The following RYR3 variants were observed in gnomAD, a reference collection of about 807,000 sequenced individuals.
The protein encoded by RYR3 is ryanodine receptor 3.
In RYR3, 207 loss-of-function variants were observed where a neutral mutation model predicts 584.3. The observed-to-expected ratio is 0.35, with a 90% CI of 0.32 to 0.40. RYR3 has a LOEUF of 0.40. RYR3 is among the 10% of genes least tolerant of loss of function. The probability of loss-of-function intolerance (pLI) is 1.00; values close to 1 mark genes in which losing one functional copy is unlikely to be tolerated. For synonymous variants in RYR3, 2,416 were observed against 2,248.5 expected (o/e 1.07, Z -2.11); for missense variants, 5,616 against 6,089.2 (o/e 0.92, Z 2.59).
At chr15:33,773,780 G>C (rs1355333108) in intron 64 of RYR3, among the ~76,000 whole-genome samples, 165 bp downstream of exon 64, 1 of 152,220 alleles carries the variant, frequency 6.6e-6, no homozygotes, top group Admixed American at 6.5e-5. Context: ...GCAATGTAAA[G>C]AAGTGCAATG....
rs201027824 is a variant in RYR3, at chr15:33,835,959, CA to C, written c.11568+889del. On this transcript the variant is annotated intron_variant, in intron 87 of 103. Transcript: ENST00000634891. ...TGGTTTCATCATCTCTGAAATATCC[CA>C]AGTTAGAATAGGTGATCTCTGAGGT... Among the ~76,000 whole-genome samples, 73 of 152,184 alleles carry C rather than the reference CA, an allele frequency of 4.8e-4. No individual in the cohort carries two copies. The East Asian group carries it at 6.8e-3, about 14-fold the overall frequency.
chr15:33,858,977 C>G (rs974135152), intron 99 of RYR3: 1 of 152,654 alleles, frequency 6.6e-6, no homozygotes, highest in African/African-American at 2.4e-5. Context: ...TCAGGCTGCC[C>G]CTGGCTTTTG....
At chr15:33,576,114 A>G (rs1010545659) in intron 12 of RYR3, among the ~76,000 whole-genome samples, 1 of 152,224 alleles carries the variant, frequency 6.6e-6, no homozygotes, top group Non-Finnish European at 1.5e-5. Context: ...TGAGGCAGTA[A>G]TAAATAGCCT....
intron 46 of RYR3, 146 bp downstream of exon 46, chr15:33,726,652 T>TGA: frequency 1.2e-6 from 1 of 831,276 alleles, no homozygotes; most frequent in Non-Finnish European, 1.8e-6. Flanking sequence ...TTTCCTGTGA[T>TGA]GAGTTTTCTC....
chr15:33,645,705 G>A (rs971743451), intron 28 of RYR3, among the ~76,000 whole-genome samples: 1 of 152,128 alleles, frequency 6.6e-6, no homozygotes, highest in African/African-American at 2.4e-5. Flanking sequence ...CACTTCCCTT[G>A]TATCCCCCCA....
At chr15:33,634,790 G>A in intron 25 of RYR3, 57 bp downstream of exon 25, 3 of 1,484,924 alleles carry the variant, frequency 2.0e-6, no homozygotes, top group Admixed American at 3.4e-5. Flanking sequence ...TCCTCTTCTT[G>A]GGGCATCCTA....
Position 33,393,930 on chromosome 15 carries a change from C to T in RYR3, c.52-79489C>T, listed in dbSNP as rs142034834. On this transcript the variant is annotated intron_variant, in intron 1 of 103. Transcript: ENST00000634891. ...ATCTCAATTAGTACATCCAGCAGCC[C>T]TATGAGATAGATGTTGACATCCCCT... Among the ~76,000 whole-genome samples, 364 of 152,292 alleles carry T rather than the reference C, an allele frequency of 2.4e-3. 2 individuals carry two copies. Among genetic ancestry groups the T allele is most frequent in the Middle Eastern group, 0.01 (3 of 294 alleles).
intron 1 of RYR3, among the ~76,000 whole-genome samples, chr15:33,437,117 AGT>A (rs71415518): frequency 0.085 from 12,680 of 149,336 alleles, 671 homozygotes; most frequent in Non-Finnish European, 0.12. Context: ...AGAGAGATAG[AGT>A]GTGTGTGTGT....
At chr15:33,698,088 C>A in intron 40 of RYR3, 92 bp downstream of exon 40, 1 of 837,454 alleles carries the variant, frequency 1.2e-6, no homozygotes, top group Non-Finnish European at 2.1e-6. Flanking sequence ...GTGTCCCTTG[C>A]CTCAGTTTCT....
At chr15:33,554,882 G>A (rs1044101907) in intron 10 of RYR3, among the ~76,000 whole-genome samples, 1 of 152,092 alleles carries the variant, frequency 6.6e-6, no homozygotes, top group African/African-American at 2.4e-5. Flanking sequence ...TTTTTTTCAG[G>A]GAAGGGTGAA....
At chr15:33,456,927 T>C (rs1047594556) in intron 1 of RYR3, among the ~76,000 whole-genome samples, 3 of 152,236 alleles carry the variant, frequency 2.0e-5, no homozygotes, top group Non-Finnish European at 4.4e-5. Flanking sequence ...TCCAAAGTTA[T>C]AAAGTCTCTC....
intron 1 of RYR3, among the ~76,000 whole-genome samples, chr15:33,431,254 T>C (rs951257743): frequency 1.3e-5 from 2 of 152,172 alleles, no homozygotes; most frequent in Non-Finnish European, 2.9e-5. Context: ...AAACCACTTA[T>C]GGAGCAGCTA....
chr15:33,385,728 G>A (rs1202021869), intron 1 of RYR3, among the ~76,000 whole-genome samples: 1 of 82,244 alleles, frequency 1.2e-5, no homozygotes, highest in Non-Finnish European at 2.3e-5. Flanking sequence ...TTTTGAGACA[G>A]GGTCTCACTC....
intron 1 of RYR3, among the ~76,000 whole-genome samples, chr15:33,335,905 A>G (rs181394190): frequency 2.4e-4 from 36 of 152,278 alleles, no homozygotes; most frequent in African/African-American, 8.4e-4. Flanking sequence ...ACCATCTAAC[A>G]TAAGATCTTA....
chr15:33,473,554 C>T lies in RYR3; in HGVS notation c.171+16C>T, dbSNP rs146319025. On this transcript the variant is annotated intron_variant, in intron 2 of 103. Transcript: ENST00000634891. ...AGAAGCCAAGGTGAGATTGGCTGTC[C>T]GCCCTACACCTTCTTCCACCTTGGC... 350 of 1,613,024 alleles carry T rather than the reference C, an allele frequency of 2.2e-4. No homozygotes were observed. In the African/African-American group the frequency reaches 4.1e-3, roughly 19 times the overall value.
chr15:33,335,675 A>G (rs1337279710), intron 1 of RYR3, among the ~76,000 whole-genome samples: 1 of 152,048 alleles, frequency 6.6e-6, no homozygotes, highest in Non-Finnish European at 1.5e-5. Flanking sequence ...CACTTCCTGC[A>G]CCTGTACACT....
At chr15:33,748,382 C>A in intron 54 of RYR3, 86 bp from the exon 55 acceptor site, 1 of 1,534,390 alleles carries the variant, frequency 6.5e-7, no homozygotes, top group Non-Finnish European at 9.0e-7. Flanking sequence ...GTTTTCAGGA[C>A]ACATTTTTGA....
At chr15:33,469,059 T>C (rs2142170990) in intron 1 of RYR3, among the ~76,000 whole-genome samples, 1 of 152,274 alleles carries the variant, frequency 6.6e-6, no homozygotes, top group South Asian at 2.1e-4. Flanking sequence ...TGTTGGCCAT[T>C]TAAAAACATA....
chr15:33,668,234 G>A (rs541748528), intron 36 of RYR3, among the ~76,000 whole-genome samples: 7 of 151,306 alleles, frequency 4.6e-5, no homozygotes, highest in Non-Finnish European at 7.4e-5. Context: ...GGAGAATGGC[G>A]TGAACCCGGG....
Sources: gnomAD v4.1 joint callset for allele counts (sites outside exome capture counted in the v4.1 genomes callset) on GRCh38, gnomAD v4.1.1 for gene constraint, MANE v1.5 for transcripts, NCBI Gene and HGNC (gene_info 2026-07-23, HGNC 2026-07-21) for gene names.